Variants in ELAPOR1 observed in about 807,000 individuals in gnomAD.
The protein encoded by ELAPOR1 is endosome/lysosome-associated apoptosis and autophagy regulator 1.
Under a neutral mutation model 119.7 loss-of-function variants are expected in ELAPOR1, and 77 were observed. The ratio of observed to expected loss-of-function variants is 0.64; its 90% CI spans 0.54 to 0.78. The LOEUF is 0.78. Ranked by LOEUF, ELAPOR1 falls within the 30% of genes least tolerant of loss-of-function variation. The pLI is 0.00. For synonymous variants in ELAPOR1, 481 were observed against 487.2 expected, an observed-to-expected ratio of 0.99 and a Z score of 0.17; for missense variants, 1,115 against 1,270.4, an observed-to-expected ratio of 0.88 and a Z score of 1.86.
chr1:109,152,975 A>G (rs1315011367), intron 1 of ELAPOR1, among the ~76,000 whole-genome samples: 1 of 150,016 alleles, frequency 6.7e-6, no homozygotes, highest in African/African-American at 2.4e-5. Context: ...AAAAAGAAAG[A>G]AAAAAAGGAC....
chr1:109,183,529 C>T (rs1038304497), intron 7 of ELAPOR1, among the ~76,000 whole-genome samples: 3 of 151,206 alleles, frequency 2.0e-5, no homozygotes, highest in South Asian at 2.1e-4. Flanking sequence ...TGATAGTTCA[C>T]GTTTTTCTTC....
At chr1:109,128,170 G>A (rs1648915173) in intron 1 of ELAPOR1, among the ~76,000 whole-genome samples, 1 of 152,110 alleles carries the variant, frequency 6.6e-6, no homozygotes, top group African/African-American at 2.4e-5. Context: ...ACTGCACCTG[G>A]CCTTATTAAA....
intron 1 of ELAPOR1, among the ~76,000 whole-genome samples, chr1:109,135,744 T>A (rs1409102225): frequency 6.6e-6 from 1 of 152,152 alleles, no homozygotes; most frequent in Admixed American, 6.5e-5. Flanking sequence ...TGACTGAATA[T>A]CTCTTAACTG....
chr1:109,201,971 A>C (rs1187943515), intron 21 of ELAPOR1, among the ~76,000 whole-genome samples: 4 of 152,176 alleles, frequency 2.6e-5, no homozygotes, highest in Non-Finnish European at 5.9e-5. Context: ...GTTGTGGAGC[A>C]TGCCAGTAGT....
intron 1 of ELAPOR1, among the ~76,000 whole-genome samples, chr1:109,119,349 T>C (rs918916470): frequency 1.3e-5 from 2 of 151,752 alleles, no homozygotes; most frequent in African/African-American, 4.8e-5. Context: ...CATGCCCTGA[T>C]AATTTTTGTA....
intron 15 of ELAPOR1, 70 bp downstream of exon 15, chr1:109,194,664 C>T (rs2101123590): frequency 6.8e-7 from 1 of 1,462,876 alleles, no homozygotes; most frequent in South Asian, 1.2e-5. Context: ...CAGAGACAGA[C>T]ACAGGAGAAA....
chr1:109,159,226 G>C (rs997684903), intron 1 of ELAPOR1, among the ~76,000 whole-genome samples: 3 of 152,084 alleles, frequency 2.0e-5, no homozygotes, highest in Non-Finnish European at 2.9e-5. Flanking sequence ...TGATCTCAAA[G>C]TGTAGTTCAG....
intron 13 of ELAPOR1, among the ~76,000 whole-genome samples, chr1:109,192,244 C>T (rs1276110784): frequency 6.6e-6 from 1 of 152,140 alleles, no homozygotes; most frequent in East Asian, 1.9e-4. Context: ...AGCCATAATC[C>T]TACTACTCAG....
At chr1:109,128,303 A>G (rs1648925679) in intron 1 of ELAPOR1, among the ~76,000 whole-genome samples, 1 of 152,238 alleles carries the variant, frequency 6.6e-6, no homozygotes, top group Non-Finnish European at 1.5e-5. Context: ...AAAAGCAAAC[A>G]GAAAAATTGG....
rs751156341 is a variant in ELAPOR1 at position 109,197,620 on chromosome 1, C to T, written c.2268C>T (p.Ser756=). 7 of 1,614,082 alleles carry T rather than the reference C, an allele frequency of 4.3e-6. No individual in the cohort carries two copies. Among genetic ancestry groups the T allele is most frequent in the Non-Finnish European group, 5.1e-6 (6 of 1,180,046 alleles). ...PEVTGYKAGV[S]SQPVSLADRL... is the part of the protein sequence containing the mutation. ...TGACAGGCTACAAGGCCGGGGTTTC[C>T]TCACAGCCTGTCAGCCTTGCTGATC... Residue 756 remains serine, a synonymous_variant, in exon 16 of 22, where the codon TCC becomes TCT. Transcript: ENST00000369939.
chr1:109,152,663 G>A (rs2101022233), intron 1 of ELAPOR1, among the ~76,000 whole-genome samples: 1 of 152,132 alleles, frequency 6.6e-6, no homozygotes, highest in East Asian at 1.9e-4. Flanking sequence ...AGGACCATGA[G>A]GCCGGCATGG....
intron 4 of ELAPOR1, 50 bp from the exon 5 acceptor site, chr1:109,172,438 C>T (rs756637045): frequency 7.4e-6 from 10 of 1,348,952 alleles, no homozygotes; most frequent in Non-Finnish European, 1.1e-5. Context: ...GGAAAGGTAT[C>T]CATTTCCTTA....
rs200696148 is a variant in ELAPOR1 at position 109,185,072 on chromosome 1, G to A, written c.980G>A (p.Arg327His). The A allele has an allele frequency of 4.7e-5, 76 of 1,613,900 alleles. No individual in the cohort carries two copies. Among genetic ancestry groups the A allele is most frequent in the Middle Eastern group, 1.6e-4 (1 of 6,084 alleles). The change falls in exon 8 of 22, where the codon CGC (arginine) becomes CAC (histidine). Residue 327 changes from arginine (R) to histidine (H), a missense_variant. Transcript: ENST00000369939. ...SEKGSSSCNV[R>H]PACTDKDYFY... ...AAAGGATCTTCTTCCTGTAACGTGC[G>A]CCCAGCTTGCACAGACAAAGATTAT...
intron 21 of ELAPOR1, chr1:109,201,445 C>T: frequency 2.3e-6 from 1 of 443,884 alleles, no homozygotes; most frequent in Non-Finnish European, 4.6e-6. Flanking sequence ...AAATGCAATA[C>T]AGACAATACT....
At chr1:109,152,985 C>T (rs1650632046) in intron 1 of ELAPOR1, among the ~76,000 whole-genome samples, 1 of 148,916 alleles carries the variant, frequency 6.7e-6, no homozygotes, top group South Asian at 2.1e-4. Flanking sequence ...AAAAAAAGGA[C>T]CACGAAAAAT....
intron 3 of ELAPOR1, among the ~76,000 whole-genome samples, chr1:109,167,885 G>A (rs61797053): frequency 0.051 from 7,762 of 152,162 alleles, 307 homozygotes; most frequent in Middle Eastern, 0.1. Context: ...CTGGGATTAC[G>A]GATGTGAGCC....
intron 7 of ELAPOR1, among the ~76,000 whole-genome samples, chr1:109,183,349 C>CA (rs1652828681): frequency 1.0e-4 from 1 of 9,698 alleles, no homozygotes; most frequent in Non-Finnish European, 2.7e-4. Context: ...AAAAAAAAAA[C>CA]AAAAAAAAGA....
chr1:109,200,281 T>C, intron 20 of ELAPOR1, 44 bp downstream of exon 20: 1 of 1,593,452 alleles, frequency 6.3e-7, no homozygotes, highest in East Asian at 2.2e-5. Context: ...CAGGGTTGGA[T>C]TATTGATCAG....
In ELAPOR1 at chr1:109,185,121, T is replaced by A. The variant is rs1428626204; in HGVS notation, c.1029T>A (p.Asp343Glu). Residue 343 changes from aspartate (D) to glutamate (E), a missense_variant, in exon 8 of 22, where the codon GAT becomes GAA. Physicochemically the swap from Asp to Glu is conservative, Grantham distance 45 (BLOSUM62 2). Coordinates refer to ENST00000369939, the MANE Select transcript of ELAPOR1 (RefSeq NM_020775.5). ...KDYFYTHTAC[D>E]ANGETQLMYK... The stretch of plus-strand genomic sequence containing the variant: ...ATTTCTACACACACACGGCCTGCGA[T>A]GCCAACGGAGAGGTGGGTAGTACAG... The A allele has an allele frequency of 6.2e-7, 1 of 1,613,888 alleles. No homozygotes were observed.
Sources: allele counts gnomAD v4.1 joint callset (sites outside exome capture counted in the v4.1 genomes callset), GRCh38; gene constraint gnomAD v4.1.1; transcripts MANE v1.5; gene names NCBI Gene and HGNC (gene_info 2026-07-23, HGNC 2026-07-21).